The following MAD1L1 variants were observed in gnomAD, a reference collection of about 807,000 sequenced individuals.
MAD1L1 encodes mitotic spindle assembly checkpoint protein MAD1.
Under a neutral mutation model 96.9 loss-of-function variants are expected in MAD1L1, and 95 were observed. That is an observed-to-expected ratio of 0.98 (90% CI 0.83 to 1.16). The LOEUF is 1.16. Among genes scored for constraint, MAD1L1 ranks in the 50% most tolerant of loss-of-function variants. MAD1L1 has a pLI of 0.00. For synonymous variants in MAD1L1, 473 were observed against 396.6 expected, an observed-to-expected ratio of 1.19 and a Z score of -2.29; for missense variants, 1,007 against 954.4, an observed-to-expected ratio of 1.06 and a Z score of -0.73.
chr7:1,920,361 T>C (rs1213886117), intron 17 of MAD1L1, among the ~76,000 whole-genome samples: 3 of 152,182 alleles, frequency 2.0e-5, no homozygotes, highest in African/African-American at 7.2e-5. Context: ...AGCGACAGTG[T>C]GTGGGAGGAG....
intron 12 of MAD1L1, among the ~76,000 whole-genome samples, chr7:2,039,623 C>T (rs533198490): frequency 4.6e-5 from 7 of 152,244 alleles, no homozygotes; most frequent in East Asian, 1.9e-4. Context: ...CATCTTTCCA[C>T]GGGCTTAACT....
intron 10 of MAD1L1, among the ~76,000 whole-genome samples, chr7:2,168,007 G>A (rs565173840): frequency 3.3e-5 from 5 of 151,872 alleles, no homozygotes; most frequent in East Asian, 1.9e-4. Context: ...TAAATTGGAC[G>A]GGCATGGTGG....
chr7:1,966,565 AAAAAAAAAAAAC>A (rs1010216444), intron 15 of MAD1L1, among the ~76,000 whole-genome samples: 4 of 128,732 alleles, frequency 3.1e-5, no homozygotes, highest in Admixed American at 1.7e-4. Context: ...CTTGGCAAAA[AAAAAAAAAAAAC>A]AAAAAAAATC....
chr7:1,951,893 T>C (rs1349426048), intron 16 of MAD1L1, among the ~76,000 whole-genome samples: 1 of 152,206 alleles, frequency 6.6e-6, no homozygotes, highest in Non-Finnish European at 1.5e-5. Context: ...GCGAGGCTGC[T>C]GTGAACGTGG....
chr7:1,979,235 G>A (rs3996329), intron 15 of MAD1L1, among the ~76,000 whole-genome samples: 22,635 of 152,148 alleles, frequency 0.15, 1,935 homozygotes, highest in South Asian at 0.26. Context: ...TCTCCCCACT[G>A]CCACCCCCAT....
chr7:1,818,847 G>A (rs930568462), intron 18 of MAD1L1, among the ~76,000 whole-genome samples: 5 of 148,102 alleles, frequency 3.4e-5, no homozygotes, highest in African/African-American at 1.0e-4. Flanking sequence ...AATATACCGC[G>A]CTGCCCTCCA....
chr7:2,222,785 T>G (rs760310907), intron 4 of MAD1L1, 31 bp from the exon 5 acceptor site: 3 of 1,546,604 alleles, frequency 1.9e-6, no homozygotes, highest in Non-Finnish European at 2.6e-6. Flanking sequence ...AGATGCCACG[T>G]GCCGCCCACG....
chr7:1,839,492 C>A (rs1304057913), intron 18 of MAD1L1, among the ~76,000 whole-genome samples: 2 of 152,186 alleles, frequency 1.3e-5, no homozygotes. Flanking sequence ...TGTTCGCTTC[C>A]GAGTGGGGCT....
At chr7:2,140,613 G>A (rs543811873) in intron 11 of MAD1L1, among the ~76,000 whole-genome samples, 11 of 152,342 alleles carry the variant, frequency 7.2e-5, no homozygotes, top group South Asian at 4.1e-4. Flanking sequence ...GGTGGGAGCC[G>A]GCCCCGCATC....
intron 15 of MAD1L1, among the ~76,000 whole-genome samples, chr7:1,979,231 C>T (rs575250953): frequency 6.6e-6 from 1 of 152,206 alleles, no homozygotes. Context: ...GCTCTCTCCC[C>T]ACTGCCACCC....
intron 18 of MAD1L1, among the ~76,000 whole-genome samples, chr7:1,875,348 C>T (rs550516204): frequency 6.6e-6 from 1 of 152,336 alleles, no homozygotes; most frequent in South Asian, 2.1e-4. Flanking sequence ...AAGAAGAAAA[C>T]ATCCCCCAAC....
At chr7:1,978,751 T>C (rs1400604839) in intron 15 of MAD1L1, among the ~76,000 whole-genome samples, 1 of 152,140 alleles carries the variant, frequency 6.6e-6, no homozygotes, top group East Asian at 1.9e-4. Flanking sequence ...AGGTGAAGAA[T>C]GGCCCCCAGG....
chr7:2,029,313 C>T (rs978032283), intron 12 of MAD1L1, among the ~76,000 whole-genome samples: 4 of 152,128 alleles, frequency 2.6e-5, no homozygotes, highest in East Asian at 1.9e-4. Context: ...AAACCAAACA[C>T]GAAAGATTAC....
chr7:1,995,515 G>A (rs1466641641), intron 14 of MAD1L1, among the ~76,000 whole-genome samples: 1 of 152,238 alleles, frequency 6.6e-6, no homozygotes, highest in African/African-American at 2.4e-5. Flanking sequence ...GAAGGGACCA[G>A]TTGTGTGGGA....
At chr7:2,218,855 T>C (rs1035656621) in intron 6 of MAD1L1, among the ~76,000 whole-genome samples, 1 of 151,238 alleles carries the variant, frequency 6.6e-6, no homozygotes, top group Non-Finnish European at 1.5e-5. Flanking sequence ...GCCGAGATGG[T>C]GCCACTGCAC....
Position 2,216,190 on chromosome 7 carries a change from A to T in MAD1L1, c.776T>A (p.Leu259Gln). The stretch of plus-strand genomic sequence containing the variant: ...CGCGCTCTCCTCCCGCAGCTGCTTC[A>T]GCTCCCGTTCCAGCCTAGGGAGCCG... The part of the protein sequence containing the change: ...LVRLPRLERE[L>Q]KQLREESAHL... Residue 259 changes from leucine (L) to glutamine (Q), a missense_variant, in exon 8 of 19, where the codon CTG (leucine) becomes CAG (glutamine). By Grantham distance (113) the Leu-to-Gln change is moderately radical. Coordinates refer to ENST00000265854, the MANE Select transcript of MAD1L1 (RefSeq NM_001013836.2). The T allele has an allele frequency of 6.2e-7, 1 of 1,613,744 alleles. No individual in the cohort carries two copies. The highest frequency in any genetic ancestry group is 8.5e-7 in the Non-Finnish European group (1 of 1,180,000).
chr7:2,139,463 G>C (rs1170492578), intron 11 of MAD1L1, among the ~76,000 whole-genome samples: 1 of 152,222 alleles, frequency 6.6e-6, no homozygotes, highest in Non-Finnish European at 1.5e-5. Flanking sequence ...ACAGCCCTGA[G>C]CTCTGTGTCC....
intron 18 of MAD1L1, among the ~76,000 whole-genome samples, chr7:1,830,824 G>C (rs1782666197): frequency 6.6e-6 from 1 of 152,172 alleles, no homozygotes; most frequent in South Asian, 2.1e-4. Flanking sequence ...GGCAGAAAAA[G>C]AGGGAAGAAA....
intron 10 of MAD1L1, among the ~76,000 whole-genome samples, chr7:2,186,144 G>A (rs931930689): frequency 6.6e-6 from 1 of 152,184 alleles, no homozygotes; most frequent in East Asian, 1.9e-4. Flanking sequence ...ATTTTGGAAC[G>A]TAATTTGGCA....
Sources: gnomAD v4.1 joint callset for allele counts (sites outside exome capture counted in the v4.1 genomes callset) on GRCh38, gnomAD v4.1.1 for gene constraint, MANE v1.5 for transcripts, NCBI Gene and HGNC (gene_info 2026-07-23, HGNC 2026-07-21) for gene names.